MAML2: variants seen among roughly 807,000 people sequenced by gnomAD.
MAML2 encodes mastermind-like protein 2.
A neutral mutation model predicts 96.1 loss-of-function variants in MAML2; 22 were observed. That is an observed-to-expected ratio of 0.23 (90% CI 0.16 to 0.33). The LOEUF (loss-of-function observed/expected upper bound fraction) is 0.33. Among genes scored for constraint, MAML2 ranks in the 10% least tolerant of loss-of-function variants. The probability of loss-of-function intolerance (pLI) is 1.00; values close to 1 mark genes in which losing one functional copy is unlikely to be tolerated. For synonymous variants in MAML2, 561 were observed against 521.3 expected, an observed-to-expected ratio of 1.08 and a Z score of -1.04; for missense variants, 1,367 against 1,392.4, an observed-to-expected ratio of 0.98 and a Z score of 0.29.
intron 1 of MAML2, among the ~76,000 whole-genome samples, chr11:96,103,070 T>G (rs1859960866): frequency 6.6e-6 from 1 of 152,206 alleles, no homozygotes; most frequent in African/African-American, 2.4e-5. Context: ...CTAAAGGGCA[T>G]ACCTCAAGGT....
At chr11:96,075,978 T>TCCACAA (rs1859428094) in intron 2 of MAML2, among the ~76,000 whole-genome samples, 1 of 152,206 alleles carries the variant, frequency 6.6e-6, no homozygotes, top group Non-Finnish European at 1.5e-5. Flanking sequence ...GAACCTTGGG[T>TCCACAA]GGCCCTGCTT....
chr11:96,120,667 G>T (rs374737904), intron 1 of MAML2, among the ~76,000 whole-genome samples: 11 of 152,304 alleles, frequency 7.2e-5, no homozygotes, highest in Admixed American at 4.6e-4. Context: ...GGAGCAAGAC[G>T]CTAGGGTAAG....
chr11:96,005,246 G>C (rs370557024), intron 2 of MAML2, among the ~76,000 whole-genome samples: 1 of 146,922 alleles, frequency 6.8e-6, no homozygotes, highest in Non-Finnish European at 1.5e-5. Context: ...ACTATTATCT[G>C]CTCTGACAAT....
rs900040508 is a variant in MAML2, at chr11:96,038,651, G to A, written c.2140-46928C>T. ...TCTAACTGGAATGCTCCTCCTCATG[G>A]TCCTTACTTTATCTGGGTCACTTCT... On this transcript the variant is annotated intron_variant, in intron 2 of 4. Transcript: ENST00000524717. 4.6e-5 allele frequency among the ~76,000 whole-genome samples: 7 copies of A among 152,280 alleles called. No individual in the cohort carries two copies. The East Asian group carries it at 1.2e-3, about 25-fold the overall frequency.
At chr11:96,313,645 A>G (rs1045176710) in intron 1 of MAML2, among the ~76,000 whole-genome samples, 3 of 152,184 alleles carry the variant, frequency 2.0e-5, no homozygotes, top group African/African-American at 7.2e-5. Flanking sequence ...TAAAAGAAAC[A>G]AAAACAAATC....
At chr11:96,117,831 A>G (rs75369465) in intron 1 of MAML2, among the ~76,000 whole-genome samples, 141,118 of 151,990 alleles carry the variant, frequency 0.93, 65,554 homozygotes, top group East Asian at 1. Context: ...CCTGGAAAAG[A>G]ACTAAAAAAT....
chr11:96,123,120 C>T (rs1269646966), intron 1 of MAML2, among the ~76,000 whole-genome samples: 1 of 152,200 alleles, frequency 6.6e-6, no homozygotes, highest in African/African-American at 2.4e-5. Flanking sequence ...GTCTGTTTCT[C>T]TCACACTGTC....
At chr11:96,218,099 T>A (rs894737626) in intron 1 of MAML2, among the ~76,000 whole-genome samples, 4 of 152,238 alleles carry the variant, frequency 2.6e-5, no homozygotes, top group Admixed American at 2.6e-4. Context: ...GTAAATACAT[T>A]TGCTTTCTGC....
intron 1 of MAML2, among the ~76,000 whole-genome samples, chr11:96,336,255 C>G (rs898405181): frequency 6.6e-6 from 1 of 152,076 alleles, no homozygotes; most frequent in Non-Finnish European, 1.5e-5. Flanking sequence ...GATTACTCAC[C>G]TGTTTTTTGC....
At chr11:96,280,954 T>C (rs16923495) in intron 1 of MAML2, among the ~76,000 whole-genome samples, 1,982 of 152,300 alleles carry the variant, frequency 0.013, 43 homozygotes, top group African/African-American at 0.045. Flanking sequence ...GTAAGAACAA[T>C]GTATATGTAT....
At chr11:96,052,045 A>T (rs925326636) in intron 2 of MAML2, among the ~76,000 whole-genome samples, 1 of 152,226 alleles carries the variant, frequency 6.6e-6, no homozygotes, top group Non-Finnish European at 1.5e-5. Context: ...TAAACACTCT[A>T]TAAGTCATAG....
At position 95,978,842 on chromosome 11, in the gene MAML2, A is replaced by G; in HGVS notation, c.*106T>C. The G allele has an allele frequency of 9.6e-7, 1 of 1,036,972 alleles. No individual in the cohort carries two copies. The highest frequency in any genetic ancestry group is 2.6e-5 in the East Asian group (1 of 38,242). The allele number at this position is 1,036,972 out of a possible 1,614,324, so 64.2% of individuals were successfully genotyped here. ...TCTGCTTTCCATTTTTAAGCATGTT[A>G]TCTTCATGTAGTCCACCTGAACATC... On this transcript the variant is annotated 3_prime_UTR_variant, in exon 5 of 5. Coordinates refer to ENST00000524717, the MANE Select transcript of MAML2 (RefSeq NM_032427.4).
At chr11:96,021,138 C>T (rs1018866028) in intron 2 of MAML2, among the ~76,000 whole-genome samples, 2 of 152,184 alleles carry the variant, frequency 1.3e-5, no homozygotes, top group Admixed American at 1.3e-4. Context: ...TCAGTCACCT[C>T]TCCTATGTGC....
At chr11:96,141,838 G>A (rs1324665046) in intron 1 of MAML2, among the ~76,000 whole-genome samples, 2 of 152,220 alleles carry the variant, frequency 1.3e-5, no homozygotes, top group African/African-American at 4.8e-5. Context: ...GGCACTGGCA[G>A]CAGAGCTGGC....
intron 1 of MAML2, among the ~76,000 whole-genome samples, chr11:96,209,923 G>A (rs1260759194): frequency 1.3e-5 from 2 of 152,060 alleles, no homozygotes; most frequent in African/African-American, 4.8e-5. Flanking sequence ...GTCATTTCTG[G>A]AGGCATACTT....
At chr11:96,290,611 C>A (rs780343136) in intron 1 of MAML2, among the ~76,000 whole-genome samples, 72 of 152,282 alleles carry the variant, frequency 4.7e-4, no homozygotes, top group Non-Finnish European at 9.0e-4. Context: ...CCTTACAAAT[C>A]CTAATGAGAT....
In MAML2 at chr11:96,254,961, G is replaced by A. The variant is rs529717650; in HGVS notation, c.513+86422C>T. Among the ~76,000 whole-genome samples the A allele has an allele frequency of 2.6e-5, 4 of 152,180 alleles. No homozygotes were observed. The East Asian group carries it at 5.8e-4, about 22-fold the overall frequency. On this transcript the variant is annotated intron_variant, in intron 1 of 4. Coordinates refer to ENST00000524717, the MANE Select transcript of MAML2 (RefSeq NM_032427.4). Reference sequence around the variant, plus strand: ...CTCCCGAGCAGCTGGGACTACAGGCGAGTGCCACCACACCCAGCTAAAATT... The same window carrying A: ...CTCCCGAGCAGCTGGGACTACAGGCAAGTGCCACCACACCCAGCTAAAATT...
intron 1 of MAML2, among the ~76,000 whole-genome samples, chr11:96,164,108 T>A (rs1861156272): frequency 6.6e-6 from 1 of 152,028 alleles, no homozygotes; most frequent in South Asian, 2.1e-4. Flanking sequence ...ACTCCTGACC[T>A]CAAGTTATCC....
intron 1 of MAML2, among the ~76,000 whole-genome samples, chr11:96,222,257 G>C (rs565106429): frequency 1.3e-5 from 2 of 152,120 alleles, no homozygotes; most frequent in African/African-American, 2.4e-5. Context: ...TTCCATAAGC[G>C]CACGCTGAAT....
Sources: gnomAD v4.1 joint callset for allele counts (sites outside exome capture counted in the v4.1 genomes callset) on GRCh38, gnomAD v4.1.1 for gene constraint, MANE v1.5 for transcripts, NCBI Gene and HGNC (gene_info 2026-07-23, HGNC 2026-07-21) for gene names.